KAT6B: variants seen among roughly 807,000 people sequenced by gnomAD.
KAT6B encodes histone acetyltransferase KAT6B.
KAT6B carries 10 observed loss-of-function variants against 187.5 expected under a neutral mutation model. The ratio of observed to expected loss-of-function variants is 0.05; its 90% CI spans 0.03 to 0.09. KAT6B has a LOEUF of 0.09. Ranked by LOEUF, KAT6B falls within the 10% of genes least tolerant of loss-of-function variation. The pLI is 1.00. For synonymous variants in KAT6B, 861 were observed against 926.8 expected, an observed-to-expected ratio of 0.93 and a Z score of 1.29; for missense variants, 1,952 against 2,558.9, an observed-to-expected ratio of 0.76 and a Z score of 5.12.
Position 75,020,776 on chromosome 10 carries a change from C to T in KAT6B, c.2824C>T (p.Leu942=). The part of the protein sequence containing the change: ...GMCPHDIATT[L]QHLHMIDKRD... ...GTGCCCACATGACATTGCCACCACT[C>T]TGCAGCACCTCCACATGATCGACAA... The change falls in exon 14 of 18, where the codon CTG becomes TTG. Residue 942 remains leucine, a synonymous_variant. Coordinates refer to ENST00000287239, the MANE Select transcript of KAT6B (RefSeq NM_012330.4). 1 of 1,614,180 alleles carries T rather than the reference C, an allele frequency of 6.2e-7. No individual in the cohort carries two copies. Among genetic ancestry groups the T allele is most frequent in the Non-Finnish European group, 8.5e-7 (1 of 1,180,036 alleles).
chr10:74,867,722 TAA>T (rs1843653375), intron 3 of KAT6B, among the ~76,000 whole-genome samples: 1 of 152,238 alleles, frequency 6.6e-6, no homozygotes, highest in Non-Finnish European at 1.5e-5. Flanking sequence ...TGAATTAAGG[TAA>T]CCTTTTGTCA....
intron 6 of KAT6B, among the ~76,000 whole-genome samples, chr10:74,971,278 T>A (rs922668699): frequency 1.3e-5 from 2 of 152,158 alleles, no homozygotes; most frequent in South Asian, 4.1e-4. Context: ...AACTGTTGGA[T>A]CAAAGGCTAG....
chr10:74,929,546 C>CT (rs1413278138), intron 3 of KAT6B, among the ~76,000 whole-genome samples: 1 of 152,098 alleles, frequency 6.6e-6, no homozygotes, highest in Non-Finnish European at 1.5e-5. Context: ...GTTCTGTAGT[C>CT]TAATTATCTG....
intron 13 of KAT6B, among the ~76,000 whole-genome samples, chr10:75,016,521 A>T (rs1844983939): frequency 6.6e-6 from 1 of 152,250 alleles, no homozygotes; most frequent in African/African-American, 2.4e-5. Flanking sequence ...AAGATAGTTG[A>T]TGTGGATGAG....
At chr10:74,995,975 T>G (rs1269110046) in intron 13 of KAT6B, among the ~76,000 whole-genome samples, 1 of 152,214 alleles carries the variant, frequency 6.6e-6, no homozygotes, top group African/African-American at 2.4e-5. Context: ...TCTCCTGGGC[T>G]CTGACCCAGG....
At chr10:74,908,662 T>C (rs1272698172) in intron 3 of KAT6B, among the ~76,000 whole-genome samples, 1 of 152,210 alleles carries the variant, frequency 6.6e-6, no homozygotes, top group Non-Finnish European at 1.5e-5. Context: ...GATATTCAAT[T>C]GTTTTAGCCT....
rs1169094796 is a variant in KAT6B, at chr10:75,029,061, G to A, written c.4237G>A (p.Glu1413Lys). ...ARLDDHEEEE[E>K]EDEEPSHNED... ...TTTGGATGATCACGAAGAGGAGGAGGAAGAGGATGAAGAGCCATCCCACAA... is the reference window on the plus strand; with the variant it reads ...TTTGGATGATCACGAAGAGGAGGAGAAAGAGGATGAAGAGCCATCCCACAA... The change falls in exon 18 of 18, where the codon GAA (glutamate) becomes AAA (lysine). Residue 1413 changes from glutamate to lysine, a missense_variant. Glu to Lys is a moderately conservative substitution (Grantham distance 56, BLOSUM62 1). Coordinates refer to ENST00000287239, the MANE Select transcript of KAT6B (RefSeq NM_012330.4). The surrounding 1 kb of genome is among the most constrained non-coding windows in gnomAD (Gnocchi z 6.2). 6.2e-7 allele frequency: 1 copy of A among 1,614,176 alleles called. No individual in the cohort carries two copies.
chr10:74,970,205 T>C (rs1841756792), intron 6 of KAT6B, 104 bp downstream of exon 6: 5 of 803,530 alleles, frequency 6.2e-6, no homozygotes, highest in Non-Finnish European at 1.1e-5. Context: ...AGCATTTTTT[T>C]CATCCCTCCC....
chr10:74,864,862 A>T (rs753071342), intron 3 of KAT6B, among the ~76,000 whole-genome samples: 1 of 152,220 alleles, frequency 6.6e-6, no homozygotes, highest in Non-Finnish European at 1.5e-5. Flanking sequence ...GGTGGTTTGT[A>T]TGTATTCTTA....
At position 75,015,584 on chromosome 10, in the gene KAT6B, A is replaced by G. The variant is rs371838184; in HGVS notation, c.2630-4998A>G. ...TGAGCGTACAAACCAGTGAATTGCCATCTCCAAGCATGAGATAACTTGGTT... is the reference window on the plus strand; with the variant it reads ...TGAGCGTACAAACCAGTGAATTGCCGTCTCCAAGCATGAGATAACTTGGTT... On this transcript the variant is annotated intron_variant, in intron 13 of 17. Coordinates refer to ENST00000287239, the MANE Select transcript of KAT6B (RefSeq NM_012330.4). Among the ~76,000 whole-genome samples, 47 of 152,366 alleles carry G rather than the reference A, an allele frequency of 3.1e-4. 1 individual carries two copies. In the South Asian group the frequency reaches 8.7e-3, roughly 28 times the overall value.
chr10:74,853,141 G>A (rs1453338065), intron 3 of KAT6B, among the ~76,000 whole-genome samples: 1 of 134,722 alleles, frequency 7.4e-6, no homozygotes, highest in African/African-American at 3.0e-5. Flanking sequence ...CTGAGACAGG[G>A]TCTCACTCTG....
At chr10:74,876,688 C>CA (rs1844436952) in intron 3 of KAT6B, among the ~76,000 whole-genome samples, 1 of 151,770 alleles carries the variant, frequency 6.6e-6, no homozygotes, top group African/African-American at 2.4e-5. Flanking sequence ...CCGAGGTGGT[C>CA]GGATCACCTG....
chr10:74,959,311 A>C (rs1395047163), intron 3 of KAT6B, among the ~76,000 whole-genome samples: 1 of 152,214 alleles, frequency 6.6e-6, no homozygotes, highest in Non-Finnish European at 1.5e-5. Context: ...CAGTCTATAC[A>C]TGATATTCAT....
chr10:74,856,239 C>T (rs1842814803), intron 3 of KAT6B, among the ~76,000 whole-genome samples: 1 of 152,146 alleles, frequency 6.6e-6, no homozygotes, highest in African/African-American at 2.4e-5. Flanking sequence ...GTGCGTGCCA[C>T]CATGCCCGGC....
At chr10:74,976,513 A>C (rs928312130) in intron 8 of KAT6B, 183 bp downstream of exon 8, 3 of 644,768 alleles carry the variant, frequency 4.7e-6, no homozygotes, top group Non-Finnish European at 8.2e-6. Flanking sequence ...CTAAACCTCC[A>C]AAATGTTGTT....
upstream of KAT6B, among the ~76,000 whole-genome samples, chr10:74,825,869 G>GC (rs1444525941): frequency 6.7e-6 from 1 of 150,274 alleles, no homozygotes; most frequent in Non-Finnish European, 1.5e-5. This position sits in a 1 kb window ranked among gnomAD's most constrained non-coding sequence, Gnocchi z 5.0. Flanking sequence ...GGGGTGTGTT[G>GC]GGGGGGGAAG....
upstream of KAT6B, among the ~76,000 whole-genome samples, chr10:74,825,159 G>T (rs1428313701): frequency 6.6e-6 from 1 of 152,192 alleles, no homozygotes; most frequent in Non-Finnish European, 1.5e-5. This position sits in a 1 kb window ranked among gnomAD's most constrained non-coding sequence, Gnocchi z 5.0. Context: ...TCGCCCGAAG[G>T]CGCAAAGCCT....
chr10:74,986,035 A>C (rs1287048825), intron 12 of KAT6B, among the ~76,000 whole-genome samples: 2 of 152,070 alleles, frequency 1.3e-5, no homozygotes, highest in Non-Finnish European at 2.9e-5. Flanking sequence ...ACAGAGGGAG[A>C]CTCCATCTCA....
intron 3 of KAT6B, among the ~76,000 whole-genome samples, chr10:74,848,676 C>A (rs1443411436): frequency 6.6e-6 from 1 of 151,932 alleles, no homozygotes; most frequent in African/African-American, 2.4e-5. Context: ...TGGTCTACAT[C>A]TTTTGTCAAA....
Sources: gnomAD v4.1 joint callset for allele counts (sites outside exome capture counted in the v4.1 genomes callset) on GRCh38, gnomAD v4.1.1 for gene constraint, Gnocchi (gnomAD v3.1) non-coding constraint, MANE v1.5 for transcripts, NCBI Gene and HGNC (gene_info 2026-07-23, HGNC 2026-07-21) for gene names.